The following PITPNC1 variants were observed in gnomAD, a reference collection of about 807,000 sequenced individuals.
The protein encoded by PITPNC1 is cytoplasmic phosphatidylinositol transfer protein 1.
Under a neutral mutation model 44.7 loss-of-function variants are expected in PITPNC1, and 18 were observed. The ratio of observed to expected loss-of-function variants is 0.40; its 90% CI spans 0.28 to 0.60. The LOEUF (loss-of-function observed/expected upper bound fraction) is 0.60, where lower values mean the gene tolerates loss of function less well. Among genes scored for constraint, PITPNC1 ranks in the 20% least tolerant of loss-of-function variants. The pLI is 0.39. For synonymous variants in PITPNC1, 141 were observed against 149.6 expected (o/e 0.94, Z 0.42); for missense variants, 290 against 418.4 (o/e 0.69, Z 2.68).
chr17:67,531,117 C>T (rs1033675784), intron 1 of PITPNC1, among the ~76,000 whole-genome samples: 2 of 152,006 alleles, frequency 1.3e-5, no homozygotes, highest in South Asian at 2.1e-4. Flanking sequence ...CTGGTGCGCA[C>T]CTGTAGTCCC....
chr17:67,399,730 A>C (rs894101228), intron 1 of PITPNC1, among the ~76,000 whole-genome samples: 4 of 152,198 alleles, frequency 2.6e-5, no homozygotes, highest in African/African-American at 9.6e-5. Context: ...AGGCATAGTC[A>C]CTTTCAAACT....
At chr17:67,471,212 TA>T (rs150754373) in intron 1 of PITPNC1, among the ~76,000 whole-genome samples, 9 of 94,224 alleles carry the variant, frequency 9.6e-5, no homozygotes, top group East Asian at 6.3e-4. Context: ...AAAAATAAAT[TA>T]AAAAAAAAAT....
At chr17:67,640,289 A>G (rs1467199461) in intron 6 of PITPNC1, among the ~76,000 whole-genome samples, 3 of 152,138 alleles carry the variant, frequency 2.0e-5, no homozygotes, top group Non-Finnish European at 4.4e-5. Context: ...GGAAGCCTGC[A>G]AAGGAGACAC....
At chr17:67,600,912 T>C (rs548960066) in intron 5 of PITPNC1, among the ~76,000 whole-genome samples, 61 of 152,190 alleles carry the variant, frequency 4.0e-4, no homozygotes, top group African/African-American at 1.4e-3. Context: ...AACGTATATT[T>C]GAGTAATAAC....
intron 1 of PITPNC1, among the ~76,000 whole-genome samples, chr17:67,502,229 A>G (rs2040040798): frequency 2.0e-5 from 3 of 152,066 alleles, no homozygotes; most frequent in Admixed American, 6.5e-5. Context: ...ATTATTCCTT[A>G]GTGCTCTTCT....
chr17:67,555,581 C>T (rs2040825481), intron 4 of PITPNC1, among the ~76,000 whole-genome samples: 2 of 150,516 alleles, frequency 1.3e-5, no homozygotes, highest in South Asian at 2.1e-4. Context: ...AATCCCAGCA[C>T]TTTGGGAGGC....
chr17:67,601,868 G>C (rs796366711), intron 5 of PITPNC1, among the ~76,000 whole-genome samples: 2 of 152,236 alleles, frequency 1.3e-5, no homozygotes, highest in Admixed American at 6.5e-5. Context: ...CAGGCAAGGA[G>C]GGGGAGAAGG....
intron 4 of PITPNC1, among the ~76,000 whole-genome samples, chr17:67,566,246 C>T (rs1347220332): frequency 6.6e-6 from 1 of 152,172 alleles, no homozygotes; most frequent in East Asian, 1.9e-4. Context: ...CTCTGTCACC[C>T]AGGCTGGAGT....
In PITPNC1 at chr17:67,471,212, TAAAAAAAAAATGTAA is replaced by T. The variant is rs1481200348; in HGVS notation, c.49-61564_49-61550del. On this transcript the variant is annotated intron_variant, in intron 1 of 8. Transcript: ENST00000581322. ...AAGAATTATCAATAAAAAAATAAAT[TAAAAAAAAAATGTAA>T]AAAAAAAAAATGTAAAAAAAAAAAA... Among the ~76,000 whole-genome samples, 46 of 94,224 alleles carry T rather than the reference TAAAAAAAAAATGTAA, an allele frequency of 4.9e-4. 2 individuals carry two copies. Among genetic ancestry groups the T allele is most frequent in the Middle Eastern group, 7.4e-3 (1 of 136 alleles). The allele number at this position is 94,224 out of a possible 152,430, so 61.8% of individuals were successfully genotyped here.
intron 1 of PITPNC1, among the ~76,000 whole-genome samples, chr17:67,434,445 T>C (rs1235134754): frequency 6.6e-6 from 1 of 150,624 alleles, no homozygotes; most frequent in East Asian, 2.0e-4. Context: ...CACAGGCCCA[T>C]TACATAACCT....
chr17:67,691,580 C>T lies in PITPNC1; in HGVS notation c.683-992C>T, dbSNP rs145747727. 6.4e-3 allele frequency among the ~76,000 whole-genome samples: 979 copies of T among 152,262 alleles called. 11 individuals are homozygous for T. Among genetic ancestry groups the T allele is most frequent in the African/African-American group, 0.023 (942 of 41,554 alleles). ...AGGGTGTGGTGAAATTGTTGATTTACGTGTTTTTGAAACTGAATTTATTAA... is the reference window on the plus strand; with the variant it reads ...AGGGTGTGGTGAAATTGTTGATTTATGTGTTTTTGAAACTGAATTTATTAA... On this transcript the variant is annotated intron_variant, in intron 8 of 8. Transcript: ENST00000581322.
intron 1 of PITPNC1, among the ~76,000 whole-genome samples, chr17:67,523,816 T>C (rs539161719): frequency 2.0e-5 from 3 of 148,332 alleles, no homozygotes; most frequent in East Asian, 3.9e-4. Flanking sequence ...CGTTTTTTTT[T>C]TTTTTTTTTT....
At chr17:67,664,025 T>C (rs976616861) in intron 6 of PITPNC1, among the ~76,000 whole-genome samples, 1 of 152,132 alleles carries the variant, frequency 6.6e-6, no homozygotes, top group African/African-American at 2.4e-5. Context: ...TGCAGTGGCG[T>C]GATCTTGGCT....
chr17:67,397,211 C>T (rs1447614864), intron 1 of PITPNC1, among the ~76,000 whole-genome samples: 5 of 152,092 alleles, frequency 3.3e-5, no homozygotes, highest in Non-Finnish European at 4.4e-5. Flanking sequence ...GAACTCCTGA[C>T]CTCAGGTAAT....
rs2040630423 is a variant in PITPNC1, at chr17:67,543,047, A to AAGGTC, written c.198-9209_198-9205dup. ...AAGGAGGCGTGAGGCTTTAGCAGTT[A>AAGGTC]AGGTCCACAGTTGCCAGCAAGAGAA... On this transcript the variant is annotated intron_variant, in intron 2 of 8. Transcript: ENST00000581322. Among the ~76,000 whole-genome samples, 17 of 152,308 alleles carry AAGGTC rather than the reference A, an allele frequency of 1.1e-4. No homozygotes were observed. The South Asian group carries it at 3.5e-3, about 32-fold the overall frequency.
At chr17:67,383,418 C>T (rs933882370) in intron 1 of PITPNC1, among the ~76,000 whole-genome samples, 3 of 152,170 alleles carry the variant, frequency 2.0e-5, no homozygotes, top group African/African-American at 7.2e-5. Flanking sequence ...TCCTGAGGAC[C>T]CATGTGTAAA....
chr17:67,641,831 G>T (rs1409309947), intron 6 of PITPNC1, among the ~76,000 whole-genome samples: 1 of 143,458 alleles, frequency 7.0e-6, no homozygotes, highest in Non-Finnish European at 1.6e-5. Flanking sequence ...ATAAGCGAGT[G>T]TACGGTGGTG....
intron 1 of PITPNC1, among the ~76,000 whole-genome samples, chr17:67,449,131 C>G (rs533313852): frequency 1.5e-4 from 23 of 152,186 alleles, no homozygotes; most frequent in Non-Finnish European, 2.5e-4. Flanking sequence ...TTTTTATTTT[C>G]TTATTCTTTT....
intron 1 of PITPNC1, among the ~76,000 whole-genome samples, chr17:67,470,581 GGGGTCAGCCCCCCTGCCCGGCCAGCC>G (rs1647995562): frequency 1.3e-5 from 2 of 152,012 alleles, no homozygotes; most frequent in African/African-American, 2.4e-5. Flanking sequence ...GGAGGTGGGG[GGGGTCAGCCCCCCTGCCCGGCCAGCC>G]GCCCCGTCCG....
Sources: gnomAD v4.1 joint callset for allele counts (sites outside exome capture counted in the v4.1 genomes callset) on GRCh38, gnomAD v4.1.1 for gene constraint, MANE v1.5 for transcripts, NCBI Gene and HGNC (gene_info 2026-07-23, HGNC 2026-07-21) for gene names.